Variants in FBXO40 observed in about 807,000 individuals in gnomAD.
FBXO40 encodes the protein F-box only protein 40.
FBXO40 carries 50 observed loss-of-function variants against 49.9 expected under a neutral mutation model. The ratio of observed to expected loss-of-function variants is 1.00; its 90% CI spans 0.80 to 1.27. The LOEUF (loss-of-function observed/expected upper bound fraction) is 1.27. Ranked by LOEUF, FBXO40 falls within the 50% of genes most tolerant of loss-of-function variation. The pLI is 0.00. For synonymous variants in FBXO40, 340 were observed against 320.2 expected, an observed-to-expected ratio of 1.06 and a Z score of -0.66; for missense variants, 895 against 870.1, an observed-to-expected ratio of 1.03 and a Z score of -0.36.
chr3:121,600,105 A>G (rs1203791244), intron 1 of FBXO40, among the ~76,000 whole-genome samples: 1 of 150,076 alleles, frequency 6.7e-6, no homozygotes, highest in Non-Finnish European at 1.5e-5. Flanking sequence ...ATCACGGCTC[A>G]CTGTAGCTTC....
rs768870158 is a variant in FBXO40 at position 121,621,964 on chromosome 3, G to A, written c.535G>A (p.Gly179Ser). Residue 179 changes from glycine (G) to serine (S), a missense_variant, in exon 3 of 4, where the codon GGT becomes AGT. Transcript: ENST00000338040. ...MGGAVGGVDI[G>S]LVPHGLSATN... ...AGGAGCAGTGGGTGGAGTGGATATC[G>A]GTTTGGTACCACATGGTCTGTCAGC... is the stretch of plus-strand genomic sequence containing the variant. 16 of 1,614,058 alleles carry A rather than the reference G, an allele frequency of 9.9e-6. No individual in the cohort carries two copies. Among genetic ancestry groups the A allele is most frequent in the Non-Finnish European group, 9.3e-6 (11 of 1,180,042 alleles).
At chr3:121,594,493 G>A (rs528491827) in intron 1 of FBXO40, among the ~76,000 whole-genome samples, 3 of 152,176 alleles carry the variant, frequency 2.0e-5, no homozygotes, top group African/African-American at 7.2e-5. Flanking sequence ...GAGCCGCTGT[G>A]CCTGATCAGA....
At chr3:121,615,312 A>G (rs1035081052) in intron 1 of FBXO40, among the ~76,000 whole-genome samples, 1 of 151,714 alleles carries the variant, frequency 6.6e-6, no homozygotes, top group East Asian at 1.9e-4. Context: ...GTCTCTACTT[A>G]TAAGAAACCC....
chr3:121,626,868 C>T lies in FBXO40; in HGVS notation c.2088C>T (p.Val696=). ...QPREQARESL[V]STFRIRPRGR... The stretch of plus-strand genomic sequence containing the variant: ...GTGAGCAGGCCCGAGAGAGCTTAGT[C>T]TCCACCTTTAGAATCAGACCACGAG... The change falls in exon 4 of 4, where the codon GTC becomes GTT. Residue 696 remains valine (V), a synonymous_variant. Coordinates refer to ENST00000338040, the MANE Select transcript of FBXO40 (RefSeq NM_016298.4). 1.9e-6 allele frequency: 3 copies of T among 1,614,154 alleles called. No individual in the cohort carries two copies. The highest frequency in any genetic ancestry group is 1.7e-6 in the Non-Finnish European group (2 of 1,180,028).
Position 121,628,067 on chromosome 3 carries a change from A to G in FBXO40, c.*1157A>G, listed in dbSNP as rs754121681. ...TTTTGGTAACAAACAGTGAATATTC[A>G]TAAGAACAAAAGTAAAAGAAAAAAA... On this transcript the variant is annotated 3_prime_UTR_variant, in exon 4 of 4. Transcript: ENST00000338040. The G allele has an allele frequency of 1.3e-5, 5 of 397,526 alleles. No individual in the cohort carries two copies. Among genetic ancestry groups the G allele is most frequent in the East Asian group, 7.1e-5 (2 of 28,060 alleles). The allele number at this position is 397,526 out of a possible 1,614,324, so 24.6% of individuals were successfully genotyped here. A position where few individuals can be genotyped will look rare whatever the true frequency, so the allele number is the denominator to read the frequency against.
intron 1 of FBXO40, among the ~76,000 whole-genome samples, chr3:121,609,222 T>C (rs576914933): frequency 6.6e-6 from 1 of 151,946 alleles, no homozygotes; most frequent in South Asian, 2.1e-4. Context: ...GAGAAACAAA[T>C]AGTAAATAAT....
chr3:121,625,801 G>A lies in FBXO40; in HGVS notation c.1915-894G>A, dbSNP rs998739332. Among the ~76,000 whole-genome samples, 7 of 152,174 alleles carry A rather than the reference G, an allele frequency of 4.6e-5. No homozygotes were observed. The East Asian group carries it at 1.3e-3, about 29-fold the overall frequency. On this transcript the variant is annotated intron_variant, in intron 3 of 3. Transcript: ENST00000338040. ...TTAGAATGGATTTTTAAAGTAAAAA[G>A]GGAAACAGTTCTAAGATCTCAAAAA... is the stretch of plus-strand genomic sequence containing the variant.
At chr3:121,618,553 A>T (rs1484784955) in intron 1 of FBXO40, among the ~76,000 whole-genome samples, 4 of 145,310 alleles carry the variant, frequency 2.8e-5, no homozygotes, top group Non-Finnish European at 6.0e-5. Context: ...TGCCCGGTTA[A>T]TTTTTTTTTT....
chr3:121,606,289 C>T (rs530389889), intron 1 of FBXO40, among the ~76,000 whole-genome samples: 1 of 152,306 alleles, frequency 6.6e-6, no homozygotes, highest in African/African-American at 2.4e-5. Context: ...TACTGGCTCA[C>T]AACGGTAGAC....
At chr3:121,598,140 G>A (rs1214084060) in intron 1 of FBXO40, among the ~76,000 whole-genome samples, 1 of 152,192 alleles carries the variant, frequency 6.6e-6, no homozygotes, top group East Asian at 1.9e-4. Context: ...AGTCCACAGA[G>A]CAAATACAGA....
chr3:121,626,739 G>A lies in FBXO40; in HGVS notation c.1959G>A (p.Glu653=). 1 of 1,614,208 alleles carries A rather than the reference G, an allele frequency of 6.2e-7. No homozygotes were observed. The highest frequency in any genetic ancestry group is 2.2e-5 in the East Asian group (1 of 44,888). The change falls in exon 4 of 4, where the codon GAG becomes GAA. Residue 653 remains glutamate (E), a synonymous_variant. Transcript: ENST00000338040. ...SSLFSKIKSW[E]FNEVTSMSEH... is the part of the protein sequence containing the mutation. ...TCTTCTCCAAAATCAAGAGCTGGGA[G>A]TTTAATGAAGTCACCTCCATGTCTG... is the stretch of plus-strand genomic sequence containing the variant.
rs528218383 is a variant in FBXO40, at chr3:121,621,421, T to A, written c.4-12T>A. 1 of 1,600,654 alleles carries A rather than the reference T, an allele frequency of 6.2e-7. No individual in the cohort carries two copies. The highest frequency in any genetic ancestry group is 8.5e-7 in the Non-Finnish European group (1 of 1,170,608). On this transcript the variant is annotated splice_polypyrimidine_tract_variant and intron_variant, in intron 2 of 3. Coordinates refer to ENST00000338040, the MANE Select transcript of FBXO40 (RefSeq NM_016298.4). ...TCATTTGTTTTCTTCCCCCTGTCCT[T>A]GGTGTGTCCAGGGGAAAGCCCGCAG...
In FBXO40 at chr3:121,594,665, G is replaced by T. The variant is rs11715635; in HGVS notation, c.-31+1163G>T. On this transcript the variant is annotated intron_variant, in intron 1 of 3. Coordinates refer to ENST00000338040, the MANE Select transcript of FBXO40 (RefSeq NM_016298.4). ...TTTCTGTATATACTATTCAAACTCC[G>T]CAGAGTTTAACACCTTTTTTTCGCC... 4.6e-5 allele frequency among the ~76,000 whole-genome samples: 7 copies of T among 151,906 alleles called. 1 individual carries two copies. In the Middle Eastern group the frequency reaches 0.017, roughly 369 times the overall value.
In FBXO40 at chr3:121,621,201, CCTATT is replaced by C. The variant is rs2049027611; in HGVS notation, c.4-228_4-224del. On this transcript the variant is annotated intron_variant, in intron 2 of 3. Transcript: ENST00000338040. ...GTCCATTATATTCAATTCTTTTTTT[CCTATT>C]CTAAACACATCTACTACATATATAT... 1.2e-4 allele frequency among the ~76,000 whole-genome samples: 18 copies of C among 152,148 alleles called. 1 individual carries two copies. The South Asian group carries it at 3.7e-3, about 32-fold the overall frequency.
At chr3:121,609,721 G>T (rs2048954372) in intron 1 of FBXO40, among the ~76,000 whole-genome samples, 1 of 152,158 alleles carries the variant, frequency 6.6e-6, no homozygotes, top group Admixed American at 6.5e-5. Context: ...CCCAGTAAGG[G>T]GTAGGGCATG....
In FBXO40 at chr3:121,611,384, A is replaced by T. The variant is rs139758129; in HGVS notation, c.-30-9162A>T. On this transcript the variant is annotated intron_variant, in intron 1 of 3. Transcript: ENST00000338040. ...AACAAACATGTGAGCAATAGAATCT[A>T]TGTCATAATGAAGTTCAAGGGATGG... Among the ~76,000 whole-genome samples, 805 of 152,296 alleles carry T rather than the reference A, an allele frequency of 5.3e-3. 4 individuals are homozygous for T. The highest frequency in any genetic ancestry group is 7.5e-3 in the Non-Finnish European group (512 of 68,010).
chr3:121,607,680 C>G (rs2048939597), intron 1 of FBXO40, among the ~76,000 whole-genome samples: 2 of 151,950 alleles, frequency 1.3e-5, no homozygotes, highest in African/African-American at 2.4e-5. Context: ...ACAATAAACA[C>G]CAGTAAATAT....
intron 1 of FBXO40, among the ~76,000 whole-genome samples, chr3:121,619,289 G>A (rs1048737529): frequency 3.3e-5 from 5 of 152,032 alleles, no homozygotes; most frequent in Non-Finnish European, 7.4e-5. Flanking sequence ...GATTACAGGT[G>A]TGAGCCATTG....
chr3:121,622,610 A>G lies in FBXO40; in HGVS notation c.1181A>G (p.Asp394Gly). The stretch of plus-strand genomic sequence containing the variant: ...ACTGTGGAGGACCTGCCCAAATCAG[A>G]TCTCATCAAGACCACCCTCCAGTGT... The part of the protein sequence containing the change: ...GITVEDLPKS[D>G]LIKTTLQCAL... Residue 394 changes from aspartate (D) to glycine (G), a missense_variant, in exon 3 of 4, where the codon GAT (aspartate) becomes GGT (glycine). By Grantham distance (94) the Asp-to-Gly change is moderately conservative. Transcript: ENST00000338040. 1 of 1,614,218 alleles carries G rather than the reference A, an allele frequency of 6.2e-7. No homozygotes were observed.
Sources: allele counts gnomAD v4.1 joint callset (sites outside exome capture counted in the v4.1 genomes callset), GRCh38; gene constraint gnomAD v4.1.1; transcripts MANE v1.5; gene names NCBI Gene and HGNC (gene_info 2026-07-23, HGNC 2026-07-21).